The following NKAIN2 variants were observed in gnomAD, a reference collection of about 807,000 sequenced individuals.
NKAIN2 encodes the protein sodium/potassium transporting ATPase interacting 2, also known as sodium/potassium-transporting ATPase subunit beta-1-interacting protein 2.
Under a neutral mutation model 32.6 loss-of-function variants are expected in NKAIN2, and 14 were observed. That is an observed-to-expected ratio of 0.43 (90% confidence interval 0.28 to 0.67). The LOEUF is 0.67. Among genes scored for constraint, NKAIN2 ranks in the 30% least tolerant of loss-of-function variants. NKAIN2 has a pLI of 0.17. For missense variants in NKAIN2, 198 were observed against 258.3 expected (o/e 0.77, Z 1.60); for synonymous variants, 80 against 87.2 (o/e 0.92, Z 0.46).
chr6:124,634,233 G>A (rs972548828), intron 3 of NKAIN2, among the ~76,000 whole-genome samples: 15 of 152,136 alleles, frequency 9.9e-5, no homozygotes, highest in Admixed American at 8.5e-4. Flanking sequence ...AAGAAACACA[G>A]CCACTAACAG....
chr6:124,483,242 T>G (rs1777527372), intron 3 of NKAIN2, among the ~76,000 whole-genome samples: 1 of 152,212 alleles, frequency 6.6e-6, no homozygotes, highest in Admixed American at 6.5e-5. Context: ...GATGATCATA[T>G]GACTTATTTT....
intron 5 of NKAIN2, among the ~76,000 whole-genome samples, chr6:124,812,080 C>A (rs183773044): frequency 6.6e-6 from 1 of 152,122 alleles, no homozygotes; most frequent in East Asian, 1.9e-4. Context: ...CAATGAATGA[C>A]CGTCTCACTG....
At chr6:124,758,418 G>A (rs865928236) in intron 4 of NKAIN2, among the ~76,000 whole-genome samples, 1 of 152,272 alleles carries the variant, frequency 6.6e-6, no homozygotes, top group Non-Finnish European at 1.5e-5. Context: ...TATGAGCCAG[G>A]AAGAGGACCC....
At chr6:124,560,212 C>T (rs1268026945) in intron 3 of NKAIN2, among the ~76,000 whole-genome samples, 2 of 152,074 alleles carry the variant, frequency 1.3e-5, no homozygotes, top group African/African-American at 2.4e-5. Flanking sequence ...GGGGCAGTTA[C>T]CTCCATGCTT....
intron 1 of NKAIN2, among the ~76,000 whole-genome samples, chr6:123,864,419 G>A (rs534069079): frequency 8.5e-5 from 13 of 152,248 alleles, no homozygotes; most frequent in Admixed American, 2.6e-4. Context: ...ACCAAGTACT[G>A]TTGTCTGAGC....
chr6:124,712,267 T>C (rs543522436), intron 4 of NKAIN2, among the ~76,000 whole-genome samples: 125 of 137,122 alleles, frequency 9.1e-4, no homozygotes, highest in African/African-American at 3.3e-3. Context: ...ACTGCTGTCT[T>C]TTTGTTTGTC....
chr6:123,858,646 C>T (rs1775657334), intron 1 of NKAIN2, among the ~76,000 whole-genome samples: 1 of 152,120 alleles, frequency 6.6e-6, no homozygotes, highest in Admixed American at 6.6e-5. Flanking sequence ...AGATTCTAGG[C>T]TGATGGACTT....
intron 3 of NKAIN2, among the ~76,000 whole-genome samples, chr6:124,398,596 T>C (rs1431265241): frequency 6.6e-6 from 1 of 152,158 alleles, no homozygotes; most frequent in East Asian, 1.9e-4. Flanking sequence ...GTTTTGAACA[T>C]GTTAAGTGTA....
chr6:124,822,107 T>G (rs937206101), intron 6 of NKAIN2, among the ~76,000 whole-genome samples: 5 of 152,168 alleles, frequency 3.3e-5, no homozygotes, highest in Non-Finnish European at 5.9e-5. Context: ...CTGCATTCTG[T>G]TTATTTCTTT....
At chr6:124,687,239 A>AATATATATATATATATATATAT (rs1773947104) in intron 4 of NKAIN2, among the ~76,000 whole-genome samples, 1 of 145,196 alleles carries the variant, frequency 6.9e-6, no homozygotes, top group Non-Finnish European at 1.5e-5. Context: ...ATATAGAGAG[A>AATATATATATATATATATATAT]ATATATATAT....
At chr6:124,338,217 G>A (rs1452754710) in intron 2 of NKAIN2, among the ~76,000 whole-genome samples, 1 of 151,802 alleles carries the variant, frequency 6.6e-6, no homozygotes. Flanking sequence ...CACTTTTCTG[G>A]GCCAAATACA....
At chr6:124,146,222 A>G (rs1431639027) in intron 1 of NKAIN2, among the ~76,000 whole-genome samples, 2 of 152,192 alleles carry the variant, frequency 1.3e-5, no homozygotes, top group African/African-American at 4.8e-5. Context: ...GATTTACATT[A>G]AACAAATAAT....
chr6:124,166,285 T>C (rs1320049140), intron 1 of NKAIN2, among the ~76,000 whole-genome samples: 4 of 151,706 alleles, frequency 2.6e-5, no homozygotes, highest in Non-Finnish European at 5.9e-5. Context: ...GAGCATTTTT[T>C]CATGTGTTTT....
At position 124,469,375 on chromosome 6, in the gene NKAIN2, G is replaced by A. The variant is rs542015657; in HGVS notation, c.273+114028G>A. On this transcript the variant is annotated intron_variant, in intron 3 of 6. Coordinates refer to ENST00000368417, the MANE Select transcript of NKAIN2 (RefSeq NM_001040214.3). ...TCTGCTCAGCAGGGTTTCTTTTTCA[G>A]GATAGTCAAGATTTTTCTTGGTAAA... Among the ~76,000 whole-genome samples the A allele has an allele frequency of 2.4e-4, 37 of 152,228 alleles. No individual in the cohort carries two copies. The South Asian group carries it at 2.5e-3, about 10-fold the overall frequency.
intron 1 of NKAIN2, among the ~76,000 whole-genome samples, chr6:124,147,045 G>A (rs1787443462): frequency 6.6e-6 from 1 of 152,124 alleles, no homozygotes; most frequent in African/African-American, 2.4e-5. Flanking sequence ...ATTTTACAAT[G>A]AAAAGTAACA....
At chr6:124,700,967 T>C (rs1308942300) in intron 4 of NKAIN2, among the ~76,000 whole-genome samples, 2 of 150,338 alleles carry the variant, frequency 1.3e-5, no homozygotes, top group African/African-American at 2.5e-5. Flanking sequence ...CATATAAATA[T>C]TGTAATTAGA....
At chr6:124,738,662 G>A (rs975993476) in intron 4 of NKAIN2, among the ~76,000 whole-genome samples, 5 of 151,782 alleles carry the variant, frequency 3.3e-5, no homozygotes, top group Admixed American at 3.3e-4. Context: ...TAATATGCAT[G>A]TAACCTCTTT....
intron 3 of NKAIN2, among the ~76,000 whole-genome samples, chr6:124,592,141 G>A (rs1781934353): frequency 6.6e-6 from 1 of 152,160 alleles, no homozygotes; most frequent in African/African-American, 2.4e-5. Context: ...ATTCTAATGA[G>A]GATGTCCTTG....
Position 123,983,733 on chromosome 6 carries a change from G to GCA in NKAIN2, c.54+179479_54+179480insCA, listed in dbSNP as rs1562292127. 3.9e-4 allele frequency among the ~76,000 whole-genome samples: 31 copies of GCA among 80,430 alleles called. No homozygotes were observed. In the South Asian group the frequency reaches 0.016, roughly 41 times the overall value. 52.8% of individuals were successfully genotyped at this position (80,430 alleles called of 152,430 possible). A position where few individuals can be genotyped will look rare whatever the true frequency, so the allele number is the denominator to read the frequency against. On this transcript the variant is annotated intron_variant, in intron 1 of 6. Coordinates refer to ENST00000368417, the MANE Select transcript of NKAIN2 (RefSeq NM_001040214.3). ...ACTTTCTGTTCTCAACCAAGTTATGGTATATATATATATTTTTTTTTTCTA... is the reference window on the plus strand; with the variant it reads ...ACTTTCTGTTCTCAACCAAGTTATGGCATATATATATATATTTTTTTTTTCTA...
Sources: allele counts gnomAD v4.1 joint callset (sites outside exome capture counted in the v4.1 genomes callset), GRCh38; gene constraint gnomAD v4.1.1; transcripts MANE v1.5; gene names NCBI Gene and HGNC (gene_info 2026-07-23, HGNC 2026-07-21).